Variants in PRR12 observed in about 807,000 individuals in gnomAD.
The protein encoded by PRR12 is proline rich 12.
PRR12 carries 12 observed loss-of-function variants against 138.0 expected under a neutral mutation model. The ratio of observed to expected loss-of-function variants is 0.09; its 90% confidence interval spans 0.06 to 0.14. The LOEUF is 0.14. PRR12 is among the 10% of genes least tolerant of loss of function. The pLI is 1.00. For missense variants in PRR12, 2,692 were observed against 2,861.3 expected, an observed-to-expected ratio of 0.94 and a Z score of 1.35; for synonymous variants, 1,567 against 1,291.7, an observed-to-expected ratio of 1.21 and a Z score of -4.57.
intron 1 of PRR12, among the ~76,000 whole-genome samples, chr19:49,592,936 C>T (rs1398632582): frequency 3.4e-5 from 5 of 145,440 alleles, no homozygotes; most frequent in Admixed American, 1.4e-4. Context: ...GGACCTCTGG[C>T]GTTGGCCCCA....
Position 49,597,313 on chromosome 19 carries a change from A to G in PRR12, c.2978A>G (p.Tyr993Cys). Residue 993 changes from tyrosine to cysteine, a missense_variant, in exon 4 of 14, where the codon TAC (tyrosine) becomes TGC (cysteine). Tyr to Cys is a radical substitution (Grantham distance 194, BLOSUM62 -2). Around this residue, in one of 11 missense-constraint regions of PRR12, gnomAD observed 840 missense variants for 689.8 expected, o/e 1.22. Transcript: ENST00000418929. The surrounding 1 kb of genome is among the most constrained non-coding windows in gnomAD (Gnocchi z 6.3). ...GPPAYDPYGPYCPGRASGAGP... is the reference protein window; with the variant it reads ...GPPAYDPYGPCCPGRASGAGP... ...CCTGCTTATGATCCCTATGGGCCCT[A>G]CTGTCCTGGCCGGGCGTCGGGAGCC... 3 of 1,554,852 alleles carry G rather than the reference A, an allele frequency of 1.9e-6. No individual in the cohort carries two copies. Among genetic ancestry groups the G allele is most frequent in the Non-Finnish European group, 2.6e-6 (3 of 1,153,112 alleles).
chr19:49,618,410 G>C (rs111658254), intron 9 of PRR12, among the ~76,000 whole-genome samples: 1 of 151,200 alleles, frequency 6.6e-6, no homozygotes, highest in Admixed American at 6.6e-5. Flanking sequence ...TTTTGAGACA[G>C]AGCCTCACTC....
At chr19:49,610,958 T>A (rs2080862993) in intron 6 of PRR12, among the ~76,000 whole-genome samples, 1 of 151,648 alleles carries the variant, frequency 6.6e-6, no homozygotes, top group Non-Finnish European at 1.5e-5. Context: ...GATTGTCCCC[T>A]CAGCCTCCCG....
Position 49,593,363 on chromosome 19 carries a change from G to C in PRR12, c.123G>C (p.Glu41Asp). Residue 41 changes from glutamate to aspartate, a missense_variant, in exon 2 of 14, where the codon GAG (glutamate) becomes GAC (aspartate). This residue lies in a region of PRR12 where 211 missense variants were observed against 266.3 expected (regional missense o/e 0.79). Coordinates refer to ENST00000418929, the MANE Select transcript of PRR12 (RefSeq NM_020719.3). Reference protein sequence around the residue: ...VYGSSRTSHPETDILHRQAYA... With the variant: ...VYGSSRTSHPDTDILHRQAYA... ...GCAGCTCCAGGACCTCGCACCCCGA[G>C]ACGGACATCTTACACCGCCAGGCCT... The C allele has an allele frequency of 6.2e-7, 1 of 1,611,210 alleles. No homozygotes were observed. Among genetic ancestry groups the C allele is most frequent in the Non-Finnish European group, 8.5e-7 (1 of 1,179,094 alleles).
intron 9 of PRR12, among the ~76,000 whole-genome samples, chr19:49,618,344 C>T (rs2080903397): frequency 6.6e-6 from 1 of 152,026 alleles, no homozygotes; most frequent in Non-Finnish European, 1.5e-5. Context: ...TACACAGTCA[C>T]CTGACCAGAC....
In PRR12 at chr19:49,595,645, G is replaced by A; in HGVS notation, c.1310G>A (p.Gly437Glu). 6.2e-7 allele frequency: 1 copy of A among 1,604,720 alleles called. No individual in the cohort carries two copies. The highest frequency in any genetic ancestry group is 8.5e-7 in the Non-Finnish European group (1 of 1,176,346). ...YATGKASGAG[G>E]AGGQAYSPGQ... ...ACTGGGAAGGCCTCTGGGGCTGGAG[G>A]GGCAGGGGGCCAGGCTTATTCCCCC... Residue 437 changes from glycine to glutamate, a missense_variant, in exon 4 of 14, where the codon GGG becomes GAG. By Grantham distance (98) the Gly-to-Glu change is moderately conservative. Coordinates refer to ENST00000418929, the MANE Select transcript of PRR12 (RefSeq NM_020719.3).
rs893792974 is a variant in PRR12 at position 49,597,351 on chromosome 19, C to T, written c.3016C>T (p.Pro1006Ser). The part of the protein sequence containing the change: ...GRASGAGPET[P>S]GLGLDPNKPP... The stretch of plus-strand genomic sequence containing the variant: ...GGCGTCGGGAGCCGGGCCCGAGACA[C>T]CGGGCCTGGGCCTGGACCCCAACAA... The change falls in exon 4 of 14, where the codon CCG (proline) becomes TCG (serine). Residue 1006 changes from proline (P) to serine (S), a missense_variant. By Grantham distance (74) the Pro-to-Ser change is moderately conservative. Around this residue, in one of 11 missense-constraint regions of PRR12, gnomAD observed 840 missense variants for 689.8 expected, o/e 1.22. Transcript: ENST00000418929. The surrounding 1 kb of genome is among the most constrained non-coding windows in gnomAD (Gnocchi z 6.3). The T allele has an allele frequency of 1.9e-6, 3 of 1,540,004 alleles. No individual in the cohort carries two copies. The Admixed American group carries it at 5.9e-5, about 30-fold the overall frequency.
Position 49,595,636 on chromosome 19 carries a change from G to C in PRR12, c.1301G>C (p.Gly434Ala). The C allele has an allele frequency of 6.2e-7, 1 of 1,606,116 alleles. No homozygotes were observed. The highest frequency in any genetic ancestry group is 8.5e-7 in the Non-Finnish European group (1 of 1,176,924). Residue 434 changes from glycine (G) to alanine (A), a missense_variant, in exon 4 of 14, where the codon GGG becomes GCG. Around this residue, in one of 11 missense-constraint regions of PRR12, gnomAD observed 523 missense variants for 496.4 expected, o/e 1.05. Coordinates refer to ENST00000418929, the MANE Select transcript of PRR12 (RefSeq NM_020719.3). ...AAAYATGKAS[G>A]AGGAGGQAYS... is the part of the protein sequence containing the mutation. ...GCCTATGCCACTGGGAAGGCCTCTG[G>C]GGCTGGAGGGGCAGGGGGCCAGGCT...
Position 49,599,930 on chromosome 19 carries a change from G to T in PRR12, c.4337G>T (p.Gly1446Val). The change falls in exon 5 of 14, where the codon GGC (glycine) becomes GTC (valine). Residue 1446 changes from glycine (G) to valine (V), a missense_variant. Coordinates refer to ENST00000418929, the MANE Select transcript of PRR12 (RefSeq NM_020719.3). This position sits in a 1 kb window ranked among gnomAD's most constrained non-coding sequence, Gnocchi z 5.0. ...LPGLPSANSN[G>V]TPEPPLLEEK... ...GGGCTCCCCAGTGCCAACAGCAATG[G>T]CACTCCCGGTGAGCTCTGGGCAGGT... The T allele has an allele frequency of 6.2e-7, 1 of 1,601,522 alleles. No individual in the cohort carries two copies. Among genetic ancestry groups the T allele is most frequent in the Non-Finnish European group, 8.5e-7 (1 of 1,172,860 alleles).
At chr19:49,619,052 G>A (rs972304331) in intron 9 of PRR12, among the ~76,000 whole-genome samples, 32 of 151,954 alleles carry the variant, frequency 2.1e-4, no homozygotes, top group Admixed American at 1.3e-3. Flanking sequence ...CTCCCATCTC[G>A]TCCCTCAGCC....
chr19:49,598,607 C>T lies in PRR12; in HGVS notation c.3678+594C>T, dbSNP rs535635758. On this transcript the variant is annotated intron_variant, in intron 4 of 13. Coordinates refer to ENST00000418929, the MANE Select transcript of PRR12 (RefSeq NM_020719.3). ...GACTGAGGCGGGAGGATCTCTTGAA[C>T]CCAGATGTTCGAGACCAGCCTGGTC... Among the ~76,000 whole-genome samples the T allele has an allele frequency of 2.3e-4, 35 of 152,154 alleles. 1 individual carries two copies. Among genetic ancestry groups the T allele is most frequent in the Admixed American group, 1.6e-3 (24 of 15,270 alleles).
Position 49,614,330 on chromosome 19 carries a change from A to G in PRR12, c.4774-203A>G, listed in dbSNP as rs1178542257. Among the ~76,000 whole-genome samples, 1 of 152,180 alleles carries G rather than the reference A, an allele frequency of 6.6e-6. No homozygotes were observed. The highest frequency in any genetic ancestry group is 1.5e-5 in the Non-Finnish European group (1 of 68,036). On this transcript the variant is annotated intron_variant, in intron 6 of 13. Transcript: ENST00000418929. This position sits in a 1 kb window ranked among gnomAD's most constrained non-coding sequence, Gnocchi z 5.0. ...GAGAACGAGCAGCCCAATCCAGGGTACTGGGTGGGCAGGAGGCGACAGGGT... is the reference window on the plus strand; with the variant it reads ...GAGAACGAGCAGCCCAATCCAGGGTGCTGGGTGGGCAGGAGGCGACAGGGT...
At chr19:49,593,602 G>T (rs7251295) in intron 2 of PRR12, among the ~76,000 whole-genome samples, 163 bp downstream of exon 2, 1 of 151,694 alleles carries the variant, frequency 6.6e-6, no homozygotes, top group Non-Finnish European at 1.5e-5. Flanking sequence ...GCTGCTGGTC[G>T]CTGCTTCATT....
intron 1 of PRR12, among the ~76,000 whole-genome samples, chr19:49,591,995 G>A (rs1204211917): frequency 6.6e-6 from 1 of 152,204 alleles, no homozygotes; most frequent in Non-Finnish European, 1.5e-5. Context: ...TTTCGGACGG[G>A]AAGGCCTTGG....
Position 49,616,242 on chromosome 19 carries a change from G to A in PRR12, c.5497+23G>A. 2 of 1,490,682 alleles carry A rather than the reference G, an allele frequency of 1.3e-6. No homozygotes were observed. The highest frequency in any genetic ancestry group is 2.7e-5 in the South Asian group (2 of 73,636). The allele number at this position is 1,490,682 out of a possible 1,614,324, so 92.3% of individuals were successfully genotyped here. On this transcript the variant is annotated intron_variant, in intron 9 of 13. Transcript: ENST00000418929. This position sits in a 1 kb window ranked among gnomAD's most constrained non-coding sequence, Gnocchi z 4.2. ...ACGGTGAGGCCCTAGGCAGCCTCAG[G>A]GCTGCAGGGGTGGGTGGGGAAGGGA...
chr19:49,601,507 G>A lies in PRR12; in HGVS notation c.4362G>A (p.Glu1454=). Residue 1454 remains glutamate, a synonymous_variant, in exon 6 of 14, where the codon GAG becomes GAA. Transcript: ENST00000418929. The stretch of plus-strand genomic sequence containing the variant: ...CTCCCCCAGAGCCCCCGCTGCTGGA[G>A]GAGAAACCCCCACCCACTCCACCTC... ...SNGTPEPPLL[E]EKPPPTPPPA... 3 of 1,517,344 alleles carry A rather than the reference G, an allele frequency of 2.0e-6. No individual in the cohort carries two copies. The highest frequency in any genetic ancestry group is 2.7e-6 in the Non-Finnish European group (3 of 1,121,640). 94.0% of individuals were successfully genotyped at this position (1,517,344 alleles called of 1,614,324 possible).
At chr19:49,607,503 C>T (rs1179212680) in intron 6 of PRR12, among the ~76,000 whole-genome samples, 1 of 151,576 alleles carries the variant, frequency 6.6e-6, no homozygotes, top group Non-Finnish European at 1.5e-5. Flanking sequence ...GTCAGGAGTT[C>T]AAGACCAGCT....
At chr19:49,612,206 G>A (rs1453820520) in intron 6 of PRR12, among the ~76,000 whole-genome samples, 2 of 148,542 alleles carry the variant, frequency 1.3e-5, no homozygotes, top group Non-Finnish European at 3.0e-5. Context: ...CTCCAGCCTG[G>A]CGACAGAGCA....
At chr19:49,613,432 G>C (rs2080876549) in intron 6 of PRR12, among the ~76,000 whole-genome samples, 1 of 151,650 alleles carries the variant, frequency 6.6e-6, no homozygotes, top group South Asian at 2.1e-4. Flanking sequence ...ATTATTTCTT[G>C]TGTCCATATT....
Sources: allele counts gnomAD v4.1 joint callset (sites outside exome capture counted in the v4.1 genomes callset), GRCh38; gene constraint gnomAD v4.1.1; regional missense constraint gnomAD v4.1.1; non-coding constraint Gnocchi (gnomAD v3.1); transcripts MANE v1.5; gene names NCBI Gene and HGNC (gene_info 2026-07-23, HGNC 2026-07-21).